RAB38: variants seen among roughly 807,000 people sequenced by gnomAD.
RAB38 encodes the protein RAB38, member RAS oncogene family.
RAB38 carries 15 observed loss-of-function variants against 18.4 expected under a neutral mutation model. The ratio of observed to expected loss-of-function variants is 0.82; its 90% confidence interval spans 0.55 to 1.26. RAB38 has a LOEUF of 1.26. RAB38 is among the 50% of genes most tolerant of loss of function. The probability of loss-of-function intolerance (pLI) is 0.00; values close to 1 mark genes in which losing one functional copy is unlikely to be tolerated. For synonymous variants in RAB38, 101 were observed against 104.4 expected (o/e 0.97, Z 0.20); for missense variants, 294 against 267.4 (o/e 1.10, Z -0.69).
At chr11:88,016,187 C>T in the RAB38 span, among the ~76,000 whole-genome samples, 6 of 152,138 alleles carry the variant, frequency 3.9e-5, no homozygotes, top group Non-Finnish European at 2.9e-5. Context: ...ATTGTCTAAA[C>T]AGGCAGAGTA....
intron 2 of RAB38, chr11:88,115,495 T>G (rs1942537980): frequency 1.3e-5 from 2 of 152,238 alleles, no homozygotes. Context: ...CCTTCAAGCC[T>G]GAAACTGAGT....
chr11:88,120,391 G>A (rs1481251428), intron 2 of RAB38, among the ~76,000 whole-genome samples: 2 of 152,058 alleles, frequency 1.3e-5, no homozygotes, highest in Non-Finnish European at 2.9e-5. Context: ...CCAAGCCAAC[G>A]TCTATTTGAA....
intron 1 of RAB38, among the ~76,000 whole-genome samples, chr11:88,158,783 G>A (rs1565219710): frequency 6.6e-6 from 1 of 151,944 alleles, no homozygotes; most frequent in East Asian, 1.9e-4. Flanking sequence ...TAATAAGAGT[G>A]ATCGATGACA....
chr11:87,913,961 A>G, the RAB38 span, among the ~76,000 whole-genome samples: 1 of 152,174 alleles, frequency 6.6e-6, no homozygotes, highest in Non-Finnish European at 1.5e-5. Flanking sequence ...TTCTTTAGAG[A>G]TAACCTAGTT....
the RAB38 span, among the ~76,000 whole-genome samples, chr11:87,872,936 A>G: frequency 1.3e-5 from 2 of 151,588 alleles, no homozygotes; most frequent in Non-Finnish European, 3.0e-5. Context: ...TGACTTGTGT[A>G]TGGATGTAAG....
intron 2 of RAB38, among the ~76,000 whole-genome samples, chr11:88,141,569 C>A (rs1045064275): frequency 6.6e-6 from 1 of 152,104 alleles, no homozygotes; most frequent in African/African-American, 2.4e-5. Context: ...ATATGGTCAT[C>A]CTTTGATTTT....
At chr11:88,057,037 T>TG in the RAB38 span, among the ~76,000 whole-genome samples, 1 of 152,188 alleles carries the variant, frequency 6.6e-6, no homozygotes. Flanking sequence ...AAGACTGACC[T>TG]GATCCCTTCC....
chr11:87,809,827 A>C, the RAB38 span, among the ~76,000 whole-genome samples: 1 of 152,210 alleles, frequency 6.6e-6, no homozygotes, highest in South Asian at 2.1e-4. Flanking sequence ...AACTTCAATT[A>C]TAATGTTGAT....
At chr11:88,135,744 G>A (rs1942827978) in intron 2 of RAB38, among the ~76,000 whole-genome samples, 1 of 152,164 alleles carries the variant, frequency 6.6e-6, no homozygotes, top group Non-Finnish European at 1.5e-5. Flanking sequence ...ACTCATCCAG[G>A]AAGAGCTACC....
the RAB38 span, among the ~76,000 whole-genome samples, chr11:87,928,537 A>T: frequency 6.6e-6 from 1 of 152,042 alleles, no homozygotes; most frequent in African/African-American, 2.4e-5. Flanking sequence ...GTTGAGACAA[A>T]CTGCCGAGGT....
chr11:88,049,791 T>C, the RAB38 span, among the ~76,000 whole-genome samples: 1 of 152,214 alleles, frequency 6.6e-6, no homozygotes, highest in Non-Finnish European at 1.5e-5. Flanking sequence ...GAAAGGGATA[T>C]TTTAGAGTTT....
rs368103649 is a variant in RAB38 at position 88,130,920 on chromosome 11, T to C, written c.484-16780A>G. Among the ~76,000 whole-genome samples, 118 of 152,284 alleles carry C rather than the reference T, an allele frequency of 7.7e-4. 4 individuals carry two copies. The South Asian group carries it at 0.023, about 30-fold the overall frequency. On this transcript the variant is annotated intron_variant, in intron 2 of 2. Transcript: ENST00000243662. ...AGAATGTTCTCAGAATGATGACTAC[T>C]TCAGTTCATTGTTGGTAAGTATAAA...
chr11:87,951,693 C>T, the RAB38 span, among the ~76,000 whole-genome samples: 347 of 152,264 alleles, frequency 2.3e-3, 1 homozygote, highest in African/African-American at 7.1e-3. Context: ...GTATCAGCAG[C>T]GGAGGCTGCA....
chr11:88,077,470 A>T, the RAB38 span, among the ~76,000 whole-genome samples: 1 of 152,160 alleles, frequency 6.6e-6, no homozygotes, highest in African/African-American at 2.4e-5. Flanking sequence ...GATAAATAGA[A>T]CAGAATGCAG....
At chr11:87,821,864 A>G in the RAB38 span, among the ~76,000 whole-genome samples, 9 of 152,126 alleles carry the variant, frequency 5.9e-5, no homozygotes, top group East Asian at 9.6e-4. Flanking sequence ...AAAAAAAAAA[A>G]AGGATAATAC....
At chr11:88,089,617 C>A in the RAB38 span, among the ~76,000 whole-genome samples, 1 of 151,762 alleles carries the variant, frequency 6.6e-6, no homozygotes, top group Non-Finnish European at 1.5e-5. Flanking sequence ...TTTTTTTATG[C>A]CATGGCACAG....
the RAB38 span, among the ~76,000 whole-genome samples, chr11:87,974,732 G>T: frequency 1.3e-5 from 2 of 150,384 alleles, no homozygotes; most frequent in African/African-American, 4.9e-5. Flanking sequence ...AAAGGGAAAT[G>T]ATACTTTATA....
chr11:87,811,254 C>T, the RAB38 span, among the ~76,000 whole-genome samples: 1 of 152,148 alleles, frequency 6.6e-6, no homozygotes, highest in African/African-American at 2.4e-5. Context: ...GAGCACATGC[C>T]CAGGAATTTT....
the RAB38 span, among the ~76,000 whole-genome samples, chr11:87,901,195 G>C: frequency 1.3e-5 from 2 of 151,512 alleles, no homozygotes; most frequent in Admixed American, 6.6e-5. Flanking sequence ...GGCTTCCCAA[G>C]TGATAAATAG....
Sources: allele counts gnomAD v4.1 joint callset (sites outside exome capture counted in the v4.1 genomes callset), GRCh38; gene constraint gnomAD v4.1.1; transcripts MANE v1.5; gene names NCBI Gene and HGNC (gene_info 2026-07-23, HGNC 2026-07-21).